Variants in GRM5 observed in about 807,000 individuals in gnomAD.
The protein encoded by GRM5 is metabotropic glutamate receptor 5.
A neutral mutation model predicts 83.1 loss-of-function variants in GRM5; 19 were observed. That is an observed-to-expected ratio of 0.23 (90% CI 0.16 to 0.34). The LOEUF (loss-of-function observed/expected upper bound fraction) is 0.34. GRM5 is among the 10% of genes least tolerant of loss of function. The probability of loss-of-function intolerance (pLI) is 1.00; values close to 1 mark genes in which losing one functional copy is unlikely to be tolerated. For missense variants in GRM5, 1,160 were observed against 1,588.3 expected, an observed-to-expected ratio of 0.73 and a Z score of 4.58; for synonymous variants, 675 against 633.6, an observed-to-expected ratio of 1.07 and a Z score of -0.98.
At chr11:88,773,626 G>C (rs1238480397) in intron 3 of GRM5, among the ~76,000 whole-genome samples, 4 of 152,074 alleles carry the variant, frequency 2.6e-5, no homozygotes, top group Non-Finnish European at 5.9e-5. Flanking sequence ...ATTAATTTTT[G>C]TATAAGGTGT....
intron 8 of GRM5, among the ~76,000 whole-genome samples, chr11:88,530,856 C>G (rs1349710873): frequency 6.6e-6 from 1 of 151,886 alleles, no homozygotes; most frequent in African/African-American, 2.4e-5. Context: ...AATAATGATG[C>G]CTTATGTGAG....
chr11:88,599,845 C>G (rs537743199), intron 5 of GRM5, among the ~76,000 whole-genome samples: 6 of 152,146 alleles, frequency 3.9e-5, no homozygotes, highest in African/African-American at 1.4e-4. Context: ...AACCCCGTCT[C>G]TACTAAAAAT....
intron 3 of GRM5, among the ~76,000 whole-genome samples, chr11:88,789,947 C>T (rs944388739): frequency 5.9e-5 from 9 of 152,064 alleles, no homozygotes; most frequent in African/African-American, 2.2e-4. Flanking sequence ...CTCTGCCTCC[C>T]GGGTTCAAGC....
At chr11:88,901,384 T>C (rs1448301178) in intron 2 of GRM5, among the ~76,000 whole-genome samples, 1 of 152,176 alleles carries the variant, frequency 6.6e-6, no homozygotes, top group Non-Finnish European at 1.5e-5. Context: ...CTGAGATAAT[T>C]GTAAGCTATA....
intron 2 of GRM5, among the ~76,000 whole-genome samples, chr11:88,869,010 C>T (rs1320357414): frequency 6.6e-6 from 1 of 151,718 alleles, no homozygotes; most frequent in Non-Finnish European, 1.5e-5. Flanking sequence ...TGCTGTTTTC[C>T]TTCCACACTA....
chr11:88,737,423 T>A (rs1388696494), intron 3 of GRM5, among the ~76,000 whole-genome samples: 1 of 152,106 alleles, frequency 6.6e-6, no homozygotes, highest in Non-Finnish European at 1.5e-5. Context: ...TTAAAAGTAA[T>A]GAAATTCAGG....
At chr11:88,570,571 A>ATATATATATATATATATATATTTTTTT (rs1405339448) in intron 7 of GRM5, among the ~76,000 whole-genome samples, 2 of 46,378 alleles carry the variant, frequency 4.3e-5, no homozygotes, top group African/African-American at 1.3e-4. Context: ...ATATATATAT[A>ATATATATATATATATATATATTTTTTT]TTTTTTTTTT....
At chr11:88,563,427 A>G (rs1269930984) in intron 8 of GRM5, among the ~76,000 whole-genome samples, 6 of 152,174 alleles carry the variant, frequency 3.9e-5, no homozygotes, top group African/African-American at 1.2e-4. Flanking sequence ...TGAGGTACAC[A>G]ATTAGTATCC....
chr11:88,660,699 G>C (rs780907639), intron 3 of GRM5, among the ~76,000 whole-genome samples: 1 of 152,106 alleles, frequency 6.6e-6, no homozygotes, highest in Non-Finnish European at 1.5e-5. Flanking sequence ...TGATGAAACT[G>C]GTACTGCTGA....
chr11:88,949,289 TC>T (rs1415914576), intron 2 of GRM5, among the ~76,000 whole-genome samples: 2 of 152,230 alleles, frequency 1.3e-5, no homozygotes, highest in African/African-American at 2.4e-5. Context: ...ACTTTTGTGC[TC>T]CCACAGCTCT....
chr11:88,607,527 G>A (rs1300092775), intron 4 of GRM5, among the ~76,000 whole-genome samples: 2 of 152,112 alleles, frequency 1.3e-5, no homozygotes, highest in African/African-American at 2.4e-5. Context: ...GCCTTAACTA[G>A]AAGTCAGATC....
intron 3 of GRM5, among the ~76,000 whole-genome samples, chr11:88,830,416 GT>G (rs1462481094): frequency 1.3e-5 from 2 of 152,062 alleles, no homozygotes; most frequent in Non-Finnish European, 2.9e-5. Flanking sequence ...AAAAACAAAA[GT>G]AAAAAATCTC....
chr11:88,531,106 G>A (rs1941997766), intron 8 of GRM5, among the ~76,000 whole-genome samples: 2 of 152,204 alleles, frequency 1.3e-5, no homozygotes, highest in South Asian at 4.1e-4. Flanking sequence ...TTCAGTCAGA[G>A]CTTTAATTTT....
chr11:88,709,544 C>T (rs560320854), intron 3 of GRM5, among the ~76,000 whole-genome samples: 4 of 152,224 alleles, frequency 2.6e-5, no homozygotes, highest in South Asian at 4.1e-4. Flanking sequence ...CAACCCACCT[C>T]TCTGAAGTGA....
At chr11:88,547,385 G>A (rs1317598515) in intron 8 of GRM5, among the ~76,000 whole-genome samples, 2 of 152,128 alleles carry the variant, frequency 1.3e-5, no homozygotes, top group Admixed American at 1.3e-4. Flanking sequence ...CTCCAAAGAA[G>A]AGAACAAAAG....
At chr11:88,997,089 C>G (rs1344860588) in intron 2 of GRM5, among the ~76,000 whole-genome samples, 2 of 152,084 alleles carry the variant, frequency 1.3e-5, no homozygotes, top group African/African-American at 4.8e-5. Flanking sequence ...GTTTGGGAGG[C>G]TGAGGCAGGT....
chr11:88,838,084 C>CAAAAAAAAAAAAAAAAAA (rs1157680177), intron 3 of GRM5, among the ~76,000 whole-genome samples: 2 of 55,450 alleles, frequency 3.6e-5, no homozygotes, highest in African/African-American at 6.0e-5. Flanking sequence ...GACTCCATCT[C>CAAAAAAAAAAAAAAAAAA]AAAAAAAAAA....
chr11:88,794,873 A>G (rs538460947), intron 3 of GRM5, among the ~76,000 whole-genome samples: 43 of 152,354 alleles, frequency 2.8e-4, no homozygotes, highest in African/African-American at 9.6e-4. Context: ...AATGTTCTTC[A>G]TGAGACCAGT....
chr11:88,640,853 A>T (rs1033899280), intron 4 of GRM5, among the ~76,000 whole-genome samples: 2 of 152,136 alleles, frequency 1.3e-5, no homozygotes, highest in South Asian at 4.1e-4. Flanking sequence ...TAGTTCAGCT[A>T]TTGGGAGGCT....
Sources: allele counts gnomAD v4.1 joint callset (sites outside exome capture counted in the v4.1 genomes callset), GRCh38; gene constraint gnomAD v4.1.1; transcripts MANE v1.5; gene names NCBI Gene and HGNC (gene_info 2026-07-23, HGNC 2026-07-21).